The following DSE variants were observed in gnomAD, a reference collection of about 807,000 sequenced individuals.
DSE encodes dermatan sulfate epimerase.
Under a neutral mutation model 84.4 loss-of-function variants are expected in DSE, and 36 were observed. That is an observed-to-expected ratio of 0.43 (90% CI 0.33 to 0.56). The LOEUF is 0.56. Ranked by LOEUF, DSE falls within the 20% of genes least tolerant of loss-of-function variation. DSE has a pLI of 0.06. For synonymous variants in DSE, 410 were observed against 430.1 expected (o/e 0.95, Z 0.58); for missense variants, 862 against 1,169.6 (o/e 0.74, Z 3.84).
intron 2 of DSE, among the ~76,000 whole-genome samples, chr6:116,295,090 A>G (rs1309960533): frequency 6.6e-6 from 1 of 152,160 alleles, no homozygotes; most frequent in Admixed American, 6.5e-5. Context: ...GGTATATTCT[A>G]CCAAGTACAA....
intron 2 of DSE, among the ~76,000 whole-genome samples, chr6:116,327,583 A>G (rs1776697339): frequency 6.6e-6 from 1 of 152,240 alleles, no homozygotes; most frequent in Admixed American, 6.5e-5. Context: ...TCCAGGGGTT[A>G]CATAGAAGTC....
At chr6:116,336,951 T>C (rs907993087) in intron 2 of DSE, among the ~76,000 whole-genome samples, 1 of 152,204 alleles carries the variant, frequency 6.6e-6, no homozygotes, top group African/African-American at 2.4e-5. Flanking sequence ...TTCATGACTA[T>C]AGATTCAAAG....
intron 2 of DSE, chr6:116,279,596 C>T (rs1424079213): frequency 6.2e-7 from 1 of 1,602,090 alleles, no homozygotes; most frequent in Non-Finnish European, 8.5e-7. Context: ...TGGGGAGTAC[C>T]GCCACGGCCC....
intron 2 of DSE, among the ~76,000 whole-genome samples, chr6:116,410,558 C>G (rs1212155425): frequency 1.3e-5 from 2 of 151,576 alleles, no homozygotes; most frequent in Non-Finnish European, 2.9e-5. Context: ...ACGGTGAAAC[C>G]CTGTCTCTAC....
At chr6:116,431,295 T>G in intron 4 of DSE, 102 bp downstream of exon 4, 1 of 1,432,570 alleles carries the variant, frequency 7.0e-7, no homozygotes, top group Non-Finnish European at 9.3e-7. Flanking sequence ...CCTTAGAGTT[T>G]GTCATATTGA....
chr6:116,259,168 C>A, intron 2 of DSE: 1 of 847,314 alleles, frequency 1.2e-6, no homozygotes, highest in Non-Finnish European at 1.9e-6. Flanking sequence ...CATGCGCCAC[C>A]CTGGCACAGA....
intron 1 of DSE, among the ~76,000 whole-genome samples, chr6:116,387,138 G>A (rs1780626819): frequency 6.6e-6 from 1 of 152,096 alleles, no homozygotes; most frequent in African/African-American, 2.4e-5. Flanking sequence ...TGCAGACAAA[G>A]GGCTAGAGGA....
intron 1 of DSE, among the ~76,000 whole-genome samples, chr6:116,396,199 G>A (rs1781238741): frequency 6.6e-6 from 1 of 152,180 alleles, no homozygotes; most frequent in African/African-American, 2.4e-5. Context: ...CAGATTCAGT[G>A]CTAAGCTCCA....
At chr6:116,323,427 A>G (rs1776442535) in intron 2 of DSE, among the ~76,000 whole-genome samples, 1 of 152,218 alleles carries the variant, frequency 6.6e-6, no homozygotes, top group African/African-American at 2.4e-5. Flanking sequence ...GACTTGCCAG[A>G]AAAATAAAAA....
intron 2 of DSE, among the ~76,000 whole-genome samples, chr6:116,272,635 C>G (rs1326367055): frequency 6.6e-6 from 1 of 152,164 alleles, no homozygotes; most frequent in Admixed American, 6.5e-5. Flanking sequence ...TATTCCCTAA[C>G]TTAAGGAGTT....
intron 2 of DSE, among the ~76,000 whole-genome samples, chr6:116,422,086 TAC>T (rs1783129171): frequency 6.6e-6 from 1 of 152,260 alleles, no homozygotes; most frequent in African/African-American, 2.4e-5. Context: ...TGGCATATTT[TAC>T]ACTTAGGAGT....
At chr6:116,374,078 A>G (rs1487419613) in intron 1 of DSE, among the ~76,000 whole-genome samples, 2 of 151,750 alleles carry the variant, frequency 1.3e-5, no homozygotes, top group Non-Finnish European at 2.9e-5. Context: ...GAAACTGTCA[A>G]AGGATTTTTA....
intron 1 of DSE, among the ~76,000 whole-genome samples, chr6:116,395,257 C>G (rs147073456): frequency 2.0e-5 from 3 of 152,182 alleles, no homozygotes; most frequent in South Asian, 4.1e-4. Flanking sequence ...AACCCCATCT[C>G]TACTAAAAAT....
chr6:116,347,154 T>C (rs940901310), intron 2 of DSE, among the ~76,000 whole-genome samples: 5 of 152,166 alleles, frequency 3.3e-5, no homozygotes, highest in Admixed American at 3.3e-4. Flanking sequence ...TCCATGCTCA[T>C]GGATAGGAGG....
intron 2 of DSE, among the ~76,000 whole-genome samples, chr6:116,299,547 T>A (rs1414473100): frequency 2.0e-5 from 1 of 50,054 alleles, no homozygotes. Flanking sequence ...TATATATATA[T>A]ATATACACAT....
chr6:116,282,605 AG>A (rs1471168732), intron 2 of DSE, among the ~76,000 whole-genome samples: 1 of 152,160 alleles, frequency 6.6e-6, no homozygotes, highest in Non-Finnish European at 1.5e-5. Context: ...AGCTGTGATA[AG>A]GAATATTTGA....
chr6:116,316,210 A>G (rs1004135068), intron 2 of DSE, among the ~76,000 whole-genome samples: 1 of 152,188 alleles, frequency 6.6e-6, no homozygotes, highest in African/African-American at 2.4e-5. Flanking sequence ...GTTCAGATTG[A>G]ACCTTTTGTT....
chr6:116,292,333 A>C (rs1774334529), intron 2 of DSE, among the ~76,000 whole-genome samples: 1 of 152,148 alleles, frequency 6.6e-6, no homozygotes, highest in Non-Finnish European at 1.5e-5. Flanking sequence ...CAGGAAGCTA[A>C]GGTTCAAGGG....
intron 2 of DSE, among the ~76,000 whole-genome samples, chr6:116,296,680 A>T (rs1345688287): frequency 3.3e-5 from 5 of 152,180 alleles, no homozygotes; most frequent in Non-Finnish European, 7.3e-5. Context: ...AACAAAAAAG[A>T]AGAGTAGTGT....
Sources: allele counts gnomAD v4.1 joint callset (sites outside exome capture counted in the v4.1 genomes callset), GRCh38; gene constraint gnomAD v4.1.1; transcripts MANE v1.5; gene names NCBI Gene and HGNC (gene_info 2026-07-23, HGNC 2026-07-21).